TMEM131: variants seen among roughly 807,000 people sequenced by gnomAD.
The protein encoded by TMEM131 is transmembrane protein 131.
Under a neutral mutation model 211.6 loss-of-function variants are expected in TMEM131, and 66 were observed. That is an observed-to-expected ratio of 0.31 (90% CI 0.26 to 0.38). The LOEUF is 0.38. Ranked by LOEUF, TMEM131 falls within the 10% of genes least tolerant of loss-of-function variation. The pLI, the probability that TMEM131 is intolerant of heterozygous loss-of-function variation, is 1.00. For missense variants in TMEM131, 2,036 were observed against 2,299.3 expected, an observed-to-expected ratio of 0.89 and a Z score of 2.34; for synonymous variants, 844 against 841.3, an observed-to-expected ratio of 1.00 and a Z score of -0.06.
At chr2:97,881,307 C>T (rs954177785) in intron 4 of TMEM131, among the ~76,000 whole-genome samples, 19 of 151,124 alleles carry the variant, frequency 1.3e-4, no homozygotes, top group Middle Eastern at 3.4e-3. Flanking sequence ...GTTGTGATCT[C>T]AGCTCACTGC....
At chr2:97,932,975 T>C (rs189051370) in intron 1 of TMEM131, among the ~76,000 whole-genome samples, 4 of 152,324 alleles carry the variant, frequency 2.6e-5, no homozygotes, top group Non-Finnish European at 5.9e-5. Context: ...TTTTCTATGT[T>C]TAGATACACG....
chr2:97,888,167 A>G (rs1190698259), intron 3 of TMEM131, 47 bp from the exon 4 acceptor site: 4 of 1,509,368 alleles, frequency 2.7e-6, no homozygotes, highest in Admixed American at 3.6e-5. Flanking sequence ...TTCAAAATAT[A>G]TGTTTCCCCA....
chr2:97,887,528 G>T (rs1278724348), intron 4 of TMEM131, among the ~76,000 whole-genome samples: 1 of 152,078 alleles, frequency 6.6e-6, no homozygotes, highest in Non-Finnish European at 1.5e-5. Context: ...TAGAGGCCCG[G>T]GGGTCTCTCC....
At chr2:97,800,352 C>T (rs1680968446) in intron 25 of TMEM131, among the ~76,000 whole-genome samples, 1 of 152,158 alleles carries the variant, frequency 6.6e-6, no homozygotes, top group African/African-American at 2.4e-5. Context: ...TCTCACAGTG[C>T]TTAGTTCAGT....
intron 32 of TMEM131, 134 bp downstream of exon 32, chr2:97,775,706 ATTC>A: frequency 1.0e-6 from 1 of 984,062 alleles, no homozygotes; most frequent in Non-Finnish European, 1.5e-6. Context: ...CACAGGAACC[ATTC>A]CTCAGTAGGT....
At chr2:97,919,191 T>A (rs544946452) in intron 2 of TMEM131, among the ~76,000 whole-genome samples, 1 of 152,232 alleles carries the variant, frequency 6.6e-6, no homozygotes, top group African/African-American at 2.4e-5. Flanking sequence ...AACATTATTA[T>A]TATTGTTCTA....
rs1176598468 is a variant in TMEM131 at position 97,812,429 on chromosome 2, G to C, written c.1855C>G (p.Gln619Glu). 4 of 1,600,736 alleles carry C rather than the reference G, an allele frequency of 2.5e-6. No individual in the cohort carries two copies. The highest frequency in any genetic ancestry group is 2.5e-6 in the Non-Finnish European group (3 of 1,176,516). The stretch of plus-strand genomic sequence containing the variant: ...ATAGAAAGTTTACTTACCGATGATT[G>C]ATCTGATAAAGAGGATTTTTCAAAC... ...PEFEKSSLSD[Q>E]SSVTLASGYF... The change falls in exon 17 of 41, where the codon CAA (glutamine) becomes GAA (glutamate). Residue 619 changes from glutamine to glutamate, a missense_variant. Physicochemically the swap from Gln to Glu is conservative, Grantham distance 29. This residue lies in a region of TMEM131 where 1,623 missense variants were observed against 1,805.9 expected (regional missense o/e 0.90). Coordinates refer to ENST00000186436, the MANE Select transcript of TMEM131 (RefSeq NM_015348.2).
intron 4 of TMEM131, among the ~76,000 whole-genome samples, chr2:97,876,933 G>C (rs1490081655): frequency 6.6e-6 from 1 of 152,186 alleles, no homozygotes; most frequent in Non-Finnish European, 1.5e-5. Context: ...CAGATGAAAT[G>C]ATGATACGTT....
intron 1 of TMEM131, among the ~76,000 whole-genome samples, chr2:97,987,737 GAATAA>G (rs1471112497): frequency 6.6e-6 from 1 of 152,040 alleles, no homozygotes; most frequent in South Asian, 2.1e-4. Flanking sequence ...ACATCAAAAA[GAATAA>G]AATACTTAGG....
chr2:97,799,706 G>A (rs1165373221), intron 25 of TMEM131, among the ~76,000 whole-genome samples: 1 of 152,256 alleles, frequency 6.6e-6, no homozygotes, highest in East Asian at 1.9e-4. Flanking sequence ...AGTGAATTGT[G>A]GCAACATTTG....
At chr2:97,824,852 C>A (rs564108003) in intron 11 of TMEM131, among the ~76,000 whole-genome samples, 2 of 152,058 alleles carry the variant, frequency 1.3e-5, no homozygotes, top group Admixed American at 6.5e-5. Context: ...CCCTGCAACA[C>A]CCCAATTCTA....
chr2:97,800,135 A>G (rs1425891691), intron 25 of TMEM131, among the ~76,000 whole-genome samples: 1 of 152,186 alleles, frequency 6.6e-6, no homozygotes, highest in African/African-American at 2.4e-5. Context: ...ACACTGATGG[A>G]TGTAAACCAG....
Position 97,786,369 on chromosome 2 carries a change from C to CAAAAAT in TMEM131, c.4144+6011_4144+6016dup, listed in dbSNP as rs1222446883. On this transcript the variant is annotated intron_variant, in intron 31 of 40. Transcript: ENST00000186436. ...ACAACATAGGGATACCCTGTCTCTC[C>CAAAAAT]AAAAATAAAAATAAAAAAATTAGGC... is the stretch of plus-strand genomic sequence containing the variant. 2.2e-4 allele frequency among the ~76,000 whole-genome samples: 33 copies of CAAAAAT among 151,984 alleles called. No homozygotes were observed. In the East Asian group the frequency reaches 6.0e-3, roughly 28 times the overall value.
intron 1 of TMEM131, among the ~76,000 whole-genome samples, chr2:97,954,603 G>A (rs893846642): frequency 6.6e-6 from 1 of 152,038 alleles, no homozygotes; most frequent in Non-Finnish European, 1.5e-5. Context: ...TCAGGAGTTC[G>A]AGACCAGCCT....
intron 2 of TMEM131, among the ~76,000 whole-genome samples, chr2:97,908,992 T>C (rs577251126): frequency 1.3e-5 from 2 of 152,182 alleles, no homozygotes; most frequent in African/African-American, 4.8e-5. Context: ...GACTGTTCCC[T>C]GCTCACTAAC....
In TMEM131 at chr2:97,851,712, A is replaced by G. The variant is rs570218413; in HGVS notation, c.484-7451T>C. Among the ~76,000 whole-genome samples, 30 of 152,354 alleles carry G rather than the reference A, an allele frequency of 2.0e-4. No individual in the cohort carries two copies. In the East Asian group the frequency reaches 5.2e-3, roughly 26 times the overall value. ...GCTACTGAAATTGTTTTAGGGCACC[A>G]CAAATTATGCCCACATAAGATGGCA... On this transcript the variant is annotated intron_variant, in intron 5 of 40. Transcript: ENST00000186436.
At chr2:97,759,806 C>A in intron 38 of TMEM131, 57 bp from the exon 39 acceptor site, 1 of 1,285,304 alleles carries the variant, frequency 7.8e-7, no homozygotes, top group Admixed American at 1.9e-5. Flanking sequence ...TTAGTGCAAA[C>A]GGATCCATAG....
intron 1 of TMEM131, among the ~76,000 whole-genome samples, chr2:97,968,131 C>A (rs1485864522): frequency 6.6e-6 from 1 of 152,084 alleles, no homozygotes; most frequent in Admixed American, 6.6e-5. Context: ...ACACTGAAAG[C>A]TCTTGCAAAG....
At chr2:97,941,356 A>C (rs1677716922) in intron 1 of TMEM131, among the ~76,000 whole-genome samples, 1 of 152,198 alleles carries the variant, frequency 6.6e-6, no homozygotes, top group Non-Finnish European at 1.5e-5. Flanking sequence ...TGTTAGACCT[A>C]AAACCATAAA....
Sources: allele counts gnomAD v4.1 joint callset (sites outside exome capture counted in the v4.1 genomes callset), GRCh38; gene constraint gnomAD v4.1.1; regional missense constraint gnomAD v4.1.1; transcripts MANE v1.5; gene names NCBI Gene and HGNC (gene_info 2026-07-23, HGNC 2026-07-21).